The following AIM2 variants were observed in gnomAD, a reference collection of about 807,000 sequenced individuals.
The protein encoded by AIM2 is interferon-inducible protein AIM2.
In AIM2, 30 loss-of-function variants were observed where a neutral mutation model predicts 27.7. The ratio of observed to expected loss-of-function variants is 1.08; its 90% CI spans 0.81 to 1.47. The LOEUF (loss-of-function observed/expected upper bound fraction) is 1.47, where lower values mean the gene tolerates loss of function less well. AIM2 is among the 40% of genes most tolerant of loss of function. The pLI is 0.00. For synonymous variants in AIM2, 141 were observed against 145.3 expected (o/e 0.97, Z 0.21); for missense variants, 358 against 411.3 (o/e 0.87, Z 1.12).
chr1:159,088,117 G>A (rs973630669), intron 1 of AIM2, among the ~76,000 whole-genome samples: 2 of 152,142 alleles, frequency 1.3e-5, no homozygotes, highest in African/African-American at 4.8e-5. Flanking sequence ...AGAAAAAGAG[G>A]AAGAGGCATA....
chr1:159,117,222 C>T (rs1202739506), intron 1 of AIM2, among the ~76,000 whole-genome samples: 1 of 151,918 alleles, frequency 6.6e-6, no homozygotes, highest in Non-Finnish European at 1.5e-5. Flanking sequence ...TTTGTGTGCG[C>T]ACGAGAGAGA....
intron 1 of AIM2, among the ~76,000 whole-genome samples, chr1:159,117,448 T>C (rs988931486): frequency 6.6e-6 from 1 of 152,144 alleles, no homozygotes. Flanking sequence ...AACAAATAAA[T>C]TTTGTATCCA....
chr1:159,141,646 T>A (rs1472553864), upstream of AIM2, among the ~76,000 whole-genome samples: 1 of 151,926 alleles, frequency 6.6e-6, no homozygotes, highest in Non-Finnish European at 1.5e-5. Flanking sequence ...AACCTCTGGA[T>A]TAGAAGTCCA....
At chr1:159,086,445 C>T (rs780648504) in intron 1 of AIM2, among the ~76,000 whole-genome samples, 20 of 152,358 alleles carry the variant, frequency 1.3e-4, no homozygotes, top group Non-Finnish European at 2.5e-4. Flanking sequence ...CCCTTCCTGG[C>T]CTCCCTCTGC....
upstream of AIM2, among the ~76,000 whole-genome samples, chr1:159,078,943 C>T (rs1246443937): frequency 3.3e-5 from 5 of 152,156 alleles, no homozygotes; most frequent in Admixed American, 3.3e-4. Flanking sequence ...CCTTTCGTGC[C>T]AATCCTATAA....
chr1:159,068,768 G>T, intron 2 of AIM2, 67 bp from the exon 3 acceptor site: 1 of 1,471,856 alleles, frequency 6.8e-7, no homozygotes, highest in Non-Finnish European at 9.2e-7. Context: ...ATTTTCAAAT[G>T]TCACCAGGAA....
intron 1 of AIM2, among the ~76,000 whole-genome samples, chr1:159,086,748 T>C (rs552797197): frequency 1.3e-5 from 2 of 152,336 alleles, no homozygotes; most frequent in East Asian, 3.9e-4. Context: ...TGGCCTTGAG[T>C]AAGTCTCTTA....
At position 159,073,448 on chromosome 1, in the gene AIM2, T is replaced by A. The variant is rs768522855; in HGVS notation, c.52A>T (p.Thr18Ser). The A allele has an allele frequency of 6.2e-7, 1 of 1,614,038 alleles. No individual in the cohort carries two copies. Among genetic ancestry groups the A allele is most frequent in the African/African-American group, 1.3e-5 (1 of 74,912 alleles). ...TTAAACCTATCCAGTTCCTCATCAG[T>A]GATGTTATCCAGGCCTGTTAGCAAG... ...ILLLTGLDNITDEELDRFKFF... is the reference protein window; with the variant it reads ...ILLLTGLDNISDEELDRFKFF... Residue 18 changes from threonine (T) to serine (S), a missense_variant, in exon 2 of 6, where the codon ACT becomes TCT. Thr to Ser is a moderately conservative substitution (Grantham distance 58). Coordinates refer to ENST00000368130, the MANE Select transcript of AIM2 (RefSeq NM_004833.3).
chr1:159,128,645 T>C (rs915204509), intron 1 of AIM2, among the ~76,000 whole-genome samples: 2 of 151,586 alleles, frequency 1.3e-5, no homozygotes, highest in South Asian at 2.1e-4. Context: ...CCACACCCCC[T>C]CTTTCCAGGA....
intron 1 of AIM2, among the ~76,000 whole-genome samples, chr1:159,127,022 A>G (rs1381550684): frequency 5.9e-5 from 9 of 152,250 alleles, no homozygotes; most frequent in African/African-American, 2.2e-4. Flanking sequence ...CATAAAGTTT[A>G]AAAAGCAAAA....
chr1:159,079,369 G>T (rs1656718013), upstream of AIM2, among the ~76,000 whole-genome samples: 2 of 151,734 alleles, frequency 1.3e-5, no homozygotes, highest in Admixed American at 1.3e-4. Context: ...AAAAACAGGA[G>T]AGAAAAAAAA....
At chr1:159,146,786 G>A (rs185538334) in intron 1 of AIM2, among the ~76,000 whole-genome samples, 9 of 152,112 alleles carry the variant, frequency 5.9e-5, no homozygotes, top group Non-Finnish European at 7.4e-5. Flanking sequence ...TCTAAATTCC[G>A]CTGTCGTTAA....
intron 3 of AIM2, 36 bp downstream of exon 3, chr1:159,068,532 A>C (rs1047087550): frequency 1.3e-6 from 2 of 1,563,374 alleles, no homozygotes; most frequent in Admixed American, 2.0e-5. Context: ...TGATGCTCTT[A>C]CAAGGACAAA....
At chr1:159,064,073 C>T (rs748777729) in intron 4 of AIM2, among the ~76,000 whole-genome samples, 4 of 151,962 alleles carry the variant, frequency 2.6e-5, no homozygotes, top group South Asian at 2.1e-4. Context: ...TTATGTTGTC[C>T]GTAAGTCTTC....
chr1:159,142,303 G>GTTCCTTCAGCA (rs1388520317), upstream of AIM2, among the ~76,000 whole-genome samples: 1 of 152,242 alleles, frequency 6.6e-6, no homozygotes, highest in African/African-American at 2.4e-5. Flanking sequence ...CTGATGTGAT[G>GTTCCTTCAGCA]TTCCTTCAGC....
intron 1 of AIM2, among the ~76,000 whole-genome samples, chr1:159,138,662 C>T (rs763235746): frequency 4.4e-4 from 67 of 152,266 alleles, no homozygotes; most frequent in Non-Finnish European, 8.5e-4. Context: ...GAATTAATGC[C>T]TGAAGATACT....
intron 1 of AIM2, among the ~76,000 whole-genome samples, chr1:159,075,449 C>T (rs927254852): frequency 2.6e-5 from 4 of 151,282 alleles, no homozygotes; most frequent in African/African-American, 9.7e-5. Flanking sequence ...TTCTCAATTT[C>T]TTTGTAGGAA....
intron 1 of AIM2, among the ~76,000 whole-genome samples, chr1:159,094,681 G>C (rs1383714767): frequency 2.0e-5 from 3 of 152,192 alleles, no homozygotes; most frequent in South Asian, 4.1e-4. Flanking sequence ...CTGGGCGACA[G>C]AGCGAGACTC....
At chr1:159,135,569 C>T (rs1647997513) in intron 1 of AIM2, among the ~76,000 whole-genome samples, 1 of 152,168 alleles carries the variant, frequency 6.6e-6, no homozygotes, top group South Asian at 2.1e-4. Flanking sequence ...CCATTAGAGA[C>T]ATGCTTAAGC....
Sources: allele counts gnomAD v4.1 joint callset (sites outside exome capture counted in the v4.1 genomes callset), GRCh38; gene constraint gnomAD v4.1.1; transcripts MANE v1.5; gene names NCBI Gene and HGNC (gene_info 2026-07-23, HGNC 2026-07-21).